Variants in RUNX1T1 observed in about 807,000 individuals in gnomAD.
RUNX1T1 encodes the protein protein CBFA2T1.
Under a neutral mutation model 62.8 loss-of-function variants are expected in RUNX1T1, and 4 were observed. That is an observed-to-expected ratio of 0.06 (90% CI 0.03 to 0.15). The LOEUF (loss-of-function observed/expected upper bound fraction) is 0.15. RUNX1T1 is among the 10% of genes least tolerant of loss of function. RUNX1T1 has a pLI of 1.00. For missense variants in RUNX1T1, 508 were observed against 754.3 expected (o/e 0.67, Z 3.82); for synonymous variants, 291 against 286.0 (o/e 1.02, Z -0.18).
intron 4 of RUNX1T1, among the ~76,000 whole-genome samples, chr8:92,009,003 CAT>C (rs1231466155): frequency 2.6e-5 from 4 of 152,184 alleles, no homozygotes; most frequent in African/African-American, 9.7e-5. Flanking sequence ...CTCCTAACCT[CAT>C]GTTTAATACA....
downstream of RUNX1T1, chr8:91,955,661 C>T: frequency 4.4e-6 from 1 of 225,822 alleles, no homozygotes; most frequent in Non-Finnish European, 8.8e-6. Flanking sequence ...CATAACCTTT[C>T]TCCAGACACG....
chr8:92,076,639 CAT>C (rs1274949226), intron 1 of RUNX1T1, among the ~76,000 whole-genome samples: 1 of 152,020 alleles, frequency 6.6e-6, no homozygotes, highest in Non-Finnish European at 1.5e-5. Flanking sequence ...TATTAGCACA[CAT>C]AGTTTAAAAC....
At chr8:92,049,395 C>A (rs978992074) in intron 1 of RUNX1T1, among the ~76,000 whole-genome samples, 2 of 152,154 alleles carry the variant, frequency 1.3e-5, no homozygotes, top group African/African-American at 4.8e-5. Flanking sequence ...TGGCCTTTTT[C>A]TGTGGCTTTC....
Position 92,028,076 on chromosome 8 carries a change from TGG to T in RUNX1T1, c.8-10715_8-10714del, listed in dbSNP as rs57015512. ...CAGATGGACAGACGGATGGAATAAA[TGG>T]GGGGGGGGGTGGGAAGGAAGGAGGG... On this transcript the variant is annotated intron_variant, in intron 1 of 10. Transcript: ENST00000396218. Among the ~76,000 whole-genome samples, 55 of 40,324 alleles carry T rather than the reference TGG, an allele frequency of 1.4e-3. 3 individuals are homozygous for T. In the East Asian group the frequency reaches 0.026, roughly 19 times the overall value. The allele number at this position is 40,324 out of a possible 152,430, so 26.5% of individuals were successfully genotyped here.
chr8:92,030,527 T>A (rs1017719391), intron 1 of RUNX1T1, among the ~76,000 whole-genome samples: 5 of 152,196 alleles, frequency 3.3e-5, no homozygotes, highest in African/African-American at 1.2e-4. Context: ...ATAGAAAGAA[T>A]AAAATAACAA....
chr8:92,005,877 T>C (rs1300395673), intron 4 of RUNX1T1: 2 of 152,250 alleles, frequency 1.3e-5, no homozygotes, highest in Non-Finnish European at 2.9e-5. Flanking sequence ...AGTAATGGCC[T>C]GGGTACAGTC....
chr8:91,989,190 G>A (rs1189977049), intron 6 of RUNX1T1, among the ~76,000 whole-genome samples: 5 of 152,102 alleles, frequency 3.3e-5, no homozygotes, highest in African/African-American at 1.2e-4. Context: ...TTACTTTACT[G>A]AAGGATTCTC....
At chr8:92,083,854 G>A (rs543929638) in intron 1 of RUNX1T1, among the ~76,000 whole-genome samples, 4 of 152,242 alleles carry the variant, frequency 2.6e-5, no homozygotes, top group East Asian at 1.9e-4. Context: ...CAACCCAAAC[G>A]CCCATCAATG....
At chr8:92,012,700 C>T (rs1184122526) in intron 3 of RUNX1T1, among the ~76,000 whole-genome samples, 1 of 151,602 alleles carries the variant, frequency 6.6e-6, no homozygotes, top group East Asian at 1.9e-4. Context: ...TTTACTTAAC[C>T]TCTATAACCT....
intron 1 of RUNX1T1, among the ~76,000 whole-genome samples, chr8:92,029,202 T>G (rs556178021): frequency 6.6e-6 from 1 of 152,214 alleles, no homozygotes; most frequent in African/African-American, 2.4e-5. Flanking sequence ...GGAAAAAAAG[T>G]ACTGTTAGTT....
upstream of RUNX1T1, among the ~76,000 whole-genome samples, chr8:92,063,193 G>A (rs1832351328): frequency 6.6e-6 from 1 of 151,860 alleles, no homozygotes; most frequent in Non-Finnish European, 1.5e-5. Flanking sequence ...TGTATATTGT[G>A]CCAGTTTATC....
intron 6 of RUNX1T1, among the ~76,000 whole-genome samples, chr8:91,988,702 C>A (rs1817058105): frequency 6.6e-6 from 1 of 151,956 alleles, no homozygotes; most frequent in South Asian, 2.1e-4. Context: ...GCTGTAATGC[C>A]TGGAGTAATA....
chr8:92,072,682 C>A (rs1335941179), intron 2 of RUNX1T1, among the ~76,000 whole-genome samples: 2 of 152,198 alleles, frequency 1.3e-5, no homozygotes, highest in Non-Finnish European at 2.9e-5. Context: ...TCACACTGAC[C>A]TGGGATCAGT....
At chr8:92,055,769 G>GT (rs2068933025) in intron 1 of RUNX1T1, among the ~76,000 whole-genome samples, 1 of 152,198 alleles carries the variant, frequency 6.6e-6, no homozygotes, top group South Asian at 2.1e-4. Flanking sequence ...TGAATAGAAA[G>GT]TTTAACAAGT....
At chr8:91,959,770 G>A (rs1810046331) in exon 11 of RUNX1T1, 2 of 247,838 alleles carry the variant, frequency 8.1e-6, no homozygotes, top group Admixed American at 9.7e-5. Context: ...TGTATCCAAT[G>A]CTCATGCCCT....
At chr8:92,095,284 C>T in intron 1 of RUNX1T1, 6 of 1,518,626 alleles carry the variant, frequency 4.0e-6, no homozygotes, top group Non-Finnish European at 5.3e-6. Flanking sequence ...CCCACGCCCC[C>T]CTTCCTCCTG....
At chr8:92,006,770 T>C (rs1481468763) in intron 4 of RUNX1T1, 4 of 151,162 alleles carry the variant, frequency 2.6e-5, no homozygotes, top group African/African-American at 9.7e-5. Flanking sequence ...TATCAACCCA[T>C]TATCTAGGTT....
chr8:92,033,415 G>A (rs1006956927), intron 1 of RUNX1T1, among the ~76,000 whole-genome samples: 2 of 152,194 alleles, frequency 1.3e-5, no homozygotes, highest in Admixed American at 6.5e-5. Context: ...AGAAGGGTAC[G>A]TATAATAATG....
chr8:92,081,264 T>C, intron 1 of RUNX1T1: 2 of 970,222 alleles, frequency 2.1e-6, no homozygotes, highest in Non-Finnish European at 2.5e-6. Flanking sequence ...TATTATTTCA[T>C]CCAGTGTGCT....
Sources: allele counts gnomAD v4.1 joint callset (sites outside exome capture counted in the v4.1 genomes callset), GRCh38; gene constraint gnomAD v4.1.1; transcripts MANE v1.5; gene names NCBI Gene and HGNC (gene_info 2026-07-23, HGNC 2026-07-21).